The following DNPEP variants were observed in gnomAD, a reference collection of about 807,000 sequenced individuals.
DNPEP encodes the protein aspartyl aminopeptidase.
A neutral mutation model predicts 59.1 loss-of-function variants in DNPEP; 46 were observed. That is an observed-to-expected ratio of 0.78 (90% CI 0.61 to 0.99). The LOEUF is 0.99. Ranked by LOEUF, DNPEP falls within the 50% of genes least tolerant of loss-of-function variation. DNPEP has a pLI of 0.00. For missense variants in DNPEP, 617 were observed against 649.9 expected (o/e 0.95, Z 0.55); for synonymous variants, 229 against 242.2 (o/e 0.95, Z 0.50).
Position 219,387,835 on chromosome 2 carries a change from C to G in DNPEP, c.-41G>C. ...GGCCCGCCCCCACCGCGCCGCCTGCCCCGCCCCTCACTAGCTTTGCAGGTC... is the reference window on the plus strand; with the variant it reads ...GGCCCGCCCCCACCGCGCCGCCTGCGCCGCCCCTCACTAGCTTTGCAGGTC... On this transcript the variant is annotated 5_prime_UTR_variant, in exon 1 of 15. Transcript: ENST00000273075. 1 of 1,549,786 alleles carries G rather than the reference C, an allele frequency of 6.5e-7. No individual in the cohort carries two copies. The highest frequency in any genetic ancestry group is 8.7e-7 in the Non-Finnish European group (1 of 1,151,248).
In DNPEP at chr2:219,385,972, G is replaced by A. The variant is rs1953805995; in HGVS notation, c.586C>T (p.His196Tyr). Reference sequence around the variant, plus strand: ...GCAGCCCTGCCCCAGTCTCACAGATGCATCTCTGTGTTGGGCCCAAAGTTC... The same window carrying A: ...GCAGCCCTGCCCCAGTCTCACAGATACATCTCTGTGTTGGGCCCAAAGTTC... ...NENFGPNTEM[H>Y]LVPILATAIQ... The change falls in exon 6 of 15, where the codon CAT becomes TAT. Residue 196 changes from histidine (H) to tyrosine (Y), a missense_variant. His to Tyr is a moderately conservative substitution (Grantham distance 83). Coordinates refer to ENST00000273075, the MANE Select transcript of DNPEP (RefSeq NM_012100.4). 2 of 1,614,116 alleles carry A rather than the reference G, an allele frequency of 1.2e-6. No homozygotes were observed. The highest frequency in any genetic ancestry group is 1.7e-6 in the Non-Finnish European group (2 of 1,179,984).
At chr2:219,375,105 T>A in intron 13 of DNPEP, 83 bp from the exon 14 acceptor site, 3 of 1,461,720 alleles carry the variant, frequency 2.1e-6, no homozygotes, top group Non-Finnish European at 2.8e-6. Flanking sequence ...AATTGCAGGG[T>A]GGGAAGGGGC....
In DNPEP at chr2:219,387,231, G is replaced by T. The variant is rs1574992415; in HGVS notation, c.37-68C>A. On this transcript the variant is annotated intron_variant, in intron 1 of 14. Coordinates refer to ENST00000273075, the MANE Select transcript of DNPEP (RefSeq NM_012100.4). ...CCTGACCTTTCACCCAGGTTCCGAG[G>T]ATTCTCCCATCCCCACCCCCAGAAG... The T allele has an allele frequency of 7.8e-6, 12 of 1,532,110 alleles. No individual in the cohort carries two copies. The East Asian group carries it at 2.7e-4, about 35-fold the overall frequency. The allele number at this position is 1,532,110 out of a possible 1,614,324, so 94.9% of individuals were successfully genotyped here.
chr2:219,387,418 C>T, intron 1 of DNPEP: 1 of 1,435,018 alleles, frequency 7.0e-7, no homozygotes, highest in Non-Finnish European at 9.2e-7. Flanking sequence ...GTCCCGCCCC[C>T]ATGTCCCTGC....
At chr2:219,388,642 G>T (rs375241535), upstream of DNPEP, 3 of 968,016 alleles carry the variant, frequency 3.1e-6, no homozygotes, top group Non-Finnish European at 3.7e-6. Context: ...AGCCGCGGAC[G>T]GCCCGCCTCC....
In DNPEP at chr2:219,385,907, A is replaced by G; in HGVS notation, c.590+61T>C. On this transcript the variant is annotated intron_variant, in intron 6 of 14. Coordinates refer to ENST00000273075, the MANE Select transcript of DNPEP (RefSeq NM_012100.4). ...TGTGACCTAATGGCTACCATTAGGTAATAATCACCTGGTACCATTCTCCAT... is the reference window on the plus strand; with the variant it reads ...TGTGACCTAATGGCTACCATTAGGTGATAATCACCTGGTACCATTCTCCAT... The G allele has an allele frequency of 2.5e-6, 4 of 1,592,792 alleles. 1 individual carries two copies. In the East Asian group the frequency reaches 9.0e-5, roughly 36 times the overall value.
chr2:219,375,846 C>T (rs948119034), intron 13 of DNPEP, among the ~76,000 whole-genome samples: 1 of 152,192 alleles, frequency 6.6e-6, no homozygotes, highest in Non-Finnish European at 1.5e-5. Context: ...TGAGCTACCA[C>T]ACCTGGCTTC....
chr2:219,397,836 C>T (rs564366153), intron 1 of DNPEP, among the ~76,000 whole-genome samples: 110 of 152,078 alleles, frequency 7.2e-4, no homozygotes, highest in African/African-American at 2.5e-3. Context: ...GTGATTCACC[C>T]GCCTCGGCCT....
chr2:219,387,417 C>A (rs913030287), intron 1 of DNPEP: 10 of 1,436,632 alleles, frequency 7.0e-6, no homozygotes, highest in Non-Finnish European at 9.2e-6. Flanking sequence ...AGTCCCGCCC[C>A]CATGTCCCTG....
intron 4 of DNPEP, 24 bp downstream of exon 4, chr2:219,386,641 C>G: frequency 1.3e-6 from 2 of 1,595,130 alleles, no homozygotes; most frequent in East Asian, 2.2e-5. Flanking sequence ...CTCCTCCCAC[C>G]CCAACACCGT....
chr2:219,388,626 T>C (rs1160457151), upstream of DNPEP: 2 of 922,012 alleles, frequency 2.2e-6, no homozygotes, highest in Non-Finnish European at 2.6e-6. Context: ...GCGGAGGTGC[T>C]AGGACAGCCG....
chr2:219,381,355 T>C lies in DNPEP; in HGVS notation c.1219A>G (p.Lys407Glu), dbSNP rs762943188. ...SEALIREVAN[K>E]VKVPLQDLMV... is the part of the protein sequence containing the mutation. The stretch of plus-strand genomic sequence containing the variant: ...CTCACCTGCAGGGGGACCTTGACTT[T>C]GTTGGCCACCTCTCGGATCAGGGCC... Residue 407 changes from lysine (K) to glutamate (E), a missense_variant, in exon 13 of 15, where the codon AAA (lysine) becomes GAA (glutamate). Transcript: ENST00000273075. 5 of 1,614,084 alleles carry C rather than the reference T, an allele frequency of 3.1e-6. No homozygotes were observed. Among genetic ancestry groups the C allele is most frequent in the Non-Finnish European group, 3.4e-6 (4 of 1,180,020 alleles).
chr2:219,384,331 G>C lies in DNPEP; in HGVS notation c.852+35C>G, dbSNP rs1241453432. 5 of 1,582,270 alleles carry C rather than the reference G, an allele frequency of 3.2e-6. No homozygotes were observed. The African/African-American group carries it at 6.8e-5, about 21-fold the overall frequency. On this transcript the variant is annotated intron_variant, in intron 9 of 14. Coordinates refer to ENST00000273075, the MANE Select transcript of DNPEP (RefSeq NM_012100.4). ...CCCCAAACATACCACCTCTGCTGGT[G>C]GTTATGTGCTGCCTGGGGCGCCCCG...
chr2:219,381,731 T>C (rs1032348185), intron 11 of DNPEP, 147 bp from the exon 12 acceptor site: 1 of 1,024,540 alleles, frequency 9.8e-7, no homozygotes, highest in Non-Finnish European at 1.5e-6. Flanking sequence ...CACACAGGGT[T>C]CCGGGCAGCC....
At chr2:219,384,464 G>T (rs1018195183) in intron 8 of DNPEP, 21 bp from the exon 9 acceptor site, 2 of 1,598,430 alleles carry the variant, frequency 1.3e-6, no homozygotes, top group Non-Finnish European at 1.7e-6. Flanking sequence ...AAGACAGTCA[G>T]CCCGACCTTC....
At chr2:219,393,575 C>G (rs1954052062), upstream of DNPEP, 1 of 152,530 alleles carries the variant, frequency 6.6e-6, no homozygotes, top group Admixed American at 6.5e-5. Flanking sequence ...CCACCACACC[C>G]AGCTGGACAA....
chr2:219,395,056 A>G (rs568818052), intron 1 of DNPEP, among the ~76,000 whole-genome samples: 1 of 152,074 alleles, frequency 6.6e-6, no homozygotes, highest in Non-Finnish European at 1.5e-5. Flanking sequence ...CCTGTGTTCA[A>G]GTGATTCTCC....
intron 1 of DNPEP, among the ~76,000 whole-genome samples, chr2:219,394,373 C>T (rs996349328): frequency 6.6e-6 from 1 of 152,224 alleles, no homozygotes; most frequent in Non-Finnish European, 1.5e-5. Flanking sequence ...ACTACCCTCA[C>T]CACCACTCCT....
chr2:219,374,467 G>C, intron 14 of DNPEP, 125 bp from the exon 15 acceptor site: 2 of 852,426 alleles, frequency 2.3e-6, no homozygotes, highest in Non-Finnish European at 3.8e-6. Context: ...GTTCTTGACA[G>C]CCACCCCAGT....
Sources: gnomAD v4.1 joint callset for allele counts (sites outside exome capture counted in the v4.1 genomes callset) on GRCh38, gnomAD v4.1.1 for gene constraint, MANE v1.5 for transcripts, NCBI Gene and HGNC (gene_info 2026-07-23, HGNC 2026-07-21) for gene names.